Variants in AKAP13 observed in about 807,000 individuals in gnomAD.
AKAP13 encodes A-kinase anchor protein 13.
AKAP13 carries 80 observed loss-of-function variants against 264.5 expected under a neutral mutation model. The observed-to-expected ratio is 0.30, with a 90% CI of 0.25 to 0.36. AKAP13 has a LOEUF of 0.36. AKAP13 is among the 10% of genes least tolerant of loss of function. The pLI, the probability that AKAP13 is intolerant of heterozygous loss-of-function variation, is 1.00. For synonymous variants in AKAP13, 1,380 were observed against 1,250.2 expected (o/e 1.10, Z -2.19); for missense variants, 3,712 against 3,435.2 (o/e 1.08, Z -2.01).
intron 6 of AKAP13, among the ~76,000 whole-genome samples, chr15:85,578,399 G>A (rs2079084241): frequency 6.6e-6 from 1 of 152,122 alleles, no homozygotes; most frequent in Non-Finnish European, 1.5e-5. Context: ...CCAGGCTGGA[G>A]TGCAGTGGTG....
At chr15:85,429,161 T>G (rs2072922700) in intron 1 of AKAP13, among the ~76,000 whole-genome samples, 1 of 152,230 alleles carries the variant, frequency 6.6e-6, no homozygotes, top group South Asian at 2.1e-4. Flanking sequence ...ACTACTACCA[T>G]TTTTCTACCT....
intron 5 of AKAP13, among the ~76,000 whole-genome samples, chr15:85,572,004 A>C (rs1258884919): frequency 2.0e-5 from 3 of 152,170 alleles, no homozygotes; most frequent in Non-Finnish European, 4.4e-5. Flanking sequence ...AGAGTGGGAG[A>C]GGTAGAAGGT....
intron 5 of AKAP13, among the ~76,000 whole-genome samples, chr15:85,550,317 G>A (rs757656353): frequency 5.9e-5 from 9 of 152,178 alleles, no homozygotes; most frequent in Non-Finnish European, 1.0e-4. Flanking sequence ...AAAGTGCACC[G>A]ATCTGTCCAG....
intron 10 of AKAP13, among the ~76,000 whole-genome samples, chr15:85,651,972 T>C (rs984039816): frequency 6.6e-6 from 1 of 152,252 alleles, no homozygotes; most frequent in Non-Finnish European, 1.5e-5. Flanking sequence ...TGTTTTGTTT[T>C]CCTTTTTCAA....
chr15:85,734,771 G>C (rs951934983), intron 30 of AKAP13, among the ~76,000 whole-genome samples: 5 of 152,098 alleles, frequency 3.3e-5, no homozygotes, highest in Non-Finnish European at 5.9e-5. Flanking sequence ...AATTTCCTAG[G>C]CCTCTTGCAT....
intron 8 of AKAP13, among the ~76,000 whole-genome samples, chr15:85,638,656 T>G (rs1264549578): frequency 6.6e-6 from 1 of 152,144 alleles, no homozygotes; most frequent in Non-Finnish European, 1.5e-5. Flanking sequence ...ATATTTAAAT[T>G]TTTTTTAATT....
intron 12 of AKAP13, among the ~76,000 whole-genome samples, chr15:85,662,091 A>G (rs904390260): frequency 1.4e-4 from 21 of 152,224 alleles, no homozygotes; most frequent in African/African-American, 4.8e-4. Flanking sequence ...AGCCATAGGT[A>G]GTTGCCACAG....
At position 85,693,297 on chromosome 15, in the gene AKAP13, T is replaced by C; in HGVS notation, c.5310T>C (p.Asp1770=). The C allele has an allele frequency of 6.3e-7, 1 of 1,593,850 alleles. No individual in the cohort carries two copies. Among genetic ancestry groups the C allele is most frequent in the South Asian group, 1.2e-5 (1 of 86,536 alleles). The change falls in exon 17 of 37, where the codon GAT becomes GAC. Residue 1770 remains aspartate, a synonymous_variant. Transcript: ENST00000394518. ...GGCAGGAAAAGGAAAAAGAAAAAGA[T>C]AAGATTAAGGAGAAGGAGAAAGATT... ...KKSKEKEKEK[D]KIKEKEKDSK...
At chr15:85,531,968 T>C (rs1261898162) in intron 3 of AKAP13, among the ~76,000 whole-genome samples, 1 of 152,246 alleles carries the variant, frequency 6.6e-6, no homozygotes, top group East Asian at 1.9e-4. Context: ...CATCCTGATA[T>C]AATAGACCAT....
At chr15:85,511,919 GTTTC>G (rs1394979224) in intron 2 of AKAP13, among the ~76,000 whole-genome samples, 1 of 151,974 alleles carries the variant, frequency 6.6e-6, no homozygotes, top group Non-Finnish European at 1.5e-5. Flanking sequence ...TCTCCAAATG[GTTTC>G]TTTGTCTCTA....
At chr15:85,482,333 T>C (rs1029918889) in intron 1 of AKAP13, among the ~76,000 whole-genome samples, 2 of 152,220 alleles carry the variant, frequency 1.3e-5, no homozygotes, top group African/African-American at 4.8e-5. Context: ...TTTTTCTCTA[T>C]AGAATTTGTT....
intron 8 of AKAP13, among the ~76,000 whole-genome samples, chr15:85,629,851 C>T (rs1023234482): frequency 1.8e-4 from 23 of 126,928 alleles, no homozygotes; most frequent in Non-Finnish European, 3.2e-4. Flanking sequence ...GCTGTCTTGG[C>T]TCACTGAAAC....
At chr15:85,514,156 C>T (rs988861529) in intron 2 of AKAP13, among the ~76,000 whole-genome samples, 1 of 136,864 alleles carries the variant, frequency 7.3e-6, no homozygotes, top group East Asian at 2.1e-4. Context: ...GAATCTTTAC[C>T]ATATGTTTGC....
At chr15:85,563,997 C>T (rs975015811) in intron 5 of AKAP13, among the ~76,000 whole-genome samples, 6 of 152,154 alleles carry the variant, frequency 3.9e-5, no homozygotes, top group Admixed American at 3.3e-4. Flanking sequence ...ATACCTTGAA[C>T]AAATATGTTA....
intron 10 of AKAP13, among the ~76,000 whole-genome samples, chr15:85,654,530 T>C (rs990851482): frequency 6.6e-6 from 1 of 152,022 alleles, no homozygotes; most frequent in African/African-American, 2.4e-5. Context: ...ATTTTTCCTC[T>C]TGAAGAAAAA....
chr15:85,625,206 A>G (rs1314792654), intron 8 of AKAP13, among the ~76,000 whole-genome samples: 3 of 152,172 alleles, frequency 2.0e-5, no homozygotes, highest in Non-Finnish European at 4.4e-5. Context: ...TCACTTTCCT[A>G]CCCATTTAGT....
At chr15:85,501,456 G>A (rs1479026763) in intron 2 of AKAP13, among the ~76,000 whole-genome samples, 1 of 152,210 alleles carries the variant, frequency 6.6e-6, no homozygotes, top group Non-Finnish European at 1.5e-5. Context: ...TTTCTGGTGA[G>A]TATGGGACGT....
chr15:85,627,292 C>T (rs1458248593), intron 8 of AKAP13, among the ~76,000 whole-genome samples: 1 of 152,116 alleles, frequency 6.6e-6, no homozygotes, highest in East Asian at 1.9e-4. Context: ...ATCTTCTTCC[C>T]TCTAGATTTC....
chr15:85,704,835 C>T (rs908410973), intron 17 of AKAP13, among the ~76,000 whole-genome samples: 21 of 152,166 alleles, frequency 1.4e-4, no homozygotes, highest in Non-Finnish European at 2.5e-4. Context: ...TTTTCCCAAA[C>T]AGAGAGTAAG....
Sources: allele counts gnomAD v4.1 joint callset (sites outside exome capture counted in the v4.1 genomes callset), GRCh38; gene constraint gnomAD v4.1.1; transcripts MANE v1.5; gene names NCBI Gene and HGNC (gene_info 2026-07-23, HGNC 2026-07-21).